EAF2: variants seen among roughly 807,000 people sequenced by gnomAD.
EAF2 encodes the protein ELL associated factor 2, also known as ELL-associated factor 2.
EAF2 carries 29 observed loss-of-function variants against 29.4 expected under a neutral mutation model. That is an observed-to-expected ratio of 0.99 (90% CI 0.73 to 1.35). EAF2 has a LOEUF of 1.35. Among genes scored for constraint, EAF2 ranks in the 40% most tolerant of loss-of-function variants. The probability of loss-of-function intolerance (pLI) is 0.00; values close to 1 mark genes in which losing one functional copy is unlikely to be tolerated. For synonymous variants in EAF2, 103 were observed against 102.5 expected (o/e 1.00, Z -0.03); for missense variants, 292 against 312.0 (o/e 0.94, Z 0.48).
intron 2 of EAF2, among the ~76,000 whole-genome samples, chr3:121,853,734 A>T (rs1019062846): frequency 6.6e-6 from 1 of 152,072 alleles, no homozygotes; most frequent in Non-Finnish European, 1.5e-5. Context: ...TTTTCTATAT[A>T]TTGGTAGTTA....
At chr3:121,859,461 GCTCT>G (rs1467746966) in intron 4 of EAF2, among the ~76,000 whole-genome samples, 1 of 151,964 alleles carries the variant, frequency 6.6e-6, no homozygotes, top group African/African-American at 2.4e-5. Context: ...TCATGATTTG[GCTCT>G]CTGTTTGTTT....
At chr3:121,880,427 G>A (rs1709173504) in intron 5 of EAF2, among the ~76,000 whole-genome samples, 1 of 150,762 alleles carries the variant, frequency 6.6e-6, no homozygotes, top group Admixed American at 6.6e-5. Context: ...ACAGGCATGA[G>A]TCACTGTCCT....
intron 4 of EAF2, among the ~76,000 whole-genome samples, chr3:121,867,318 A>C (rs1469995981): frequency 6.6e-6 from 1 of 152,204 alleles, no homozygotes; most frequent in Non-Finnish European, 1.5e-5. Context: ...AAATAGGATA[A>C]ACCCAAAGAA....
At chr3:121,849,594 G>C (rs1406017918) in intron 2 of EAF2, among the ~76,000 whole-genome samples, 2 of 151,938 alleles carry the variant, frequency 1.3e-5, no homozygotes, top group Non-Finnish European at 2.9e-5. Context: ...CTATTATTCA[G>C]GCAATGCATT....
intron 1 of EAF2, chr3:121,837,649 T>A (rs1484070858): frequency 6.6e-6 from 1 of 152,194 alleles, no homozygotes; most frequent in East Asian, 1.9e-4. Context: ...GGGTAGAGAA[T>A]AAATAGTAGT....
chr3:121,835,209 A>T lies in EAF2; in HGVS notation c.-77A>T, dbSNP rs79879117. The T allele has an allele frequency of 4.0e-3, 5,648 of 1,401,124 alleles. 16 individuals carry two copies. The highest frequency in any genetic ancestry group is 4.6e-3 in the Non-Finnish European group (4,555 of 989,150). 86.8% of individuals were successfully genotyped at this position (1,401,124 alleles called of 1,614,324 possible). A position where few individuals can be genotyped will look rare whatever the true frequency, so the allele number is the denominator to read the frequency against. ...TCTGGGTGACTTGGCTGGCGGGATC[A>T]AGTGCAGCTGCTTCAGGCTGAGGTG... On this transcript the variant is annotated 5_prime_UTR_variant, in exon 1 of 6. Transcript: ENST00000273668.
At chr3:121,848,613 G>A (rs548883689) in intron 2 of EAF2, among the ~76,000 whole-genome samples, 231 of 152,098 alleles carry the variant, frequency 1.5e-3, no homozygotes, top group African/African-American at 4.6e-3. Context: ...AGTTGGTGTA[G>A]TGTATTCTTG....
chr3:121,845,951 T>C (rs1402253208), intron 2 of EAF2, among the ~76,000 whole-genome samples: 1 of 152,196 alleles, frequency 6.6e-6, no homozygotes, highest in Non-Finnish European at 1.5e-5. Flanking sequence ...CTTAAGTTTC[T>C]TTTTCTTTTC....
chr3:121,858,962 C>G (rs756308345), intron 4 of EAF2, among the ~76,000 whole-genome samples: 14 of 152,132 alleles, frequency 9.2e-5, no homozygotes, highest in Non-Finnish European at 1.8e-4. Flanking sequence ...TCAGGTTTGT[C>G]AAAGATCAGA....
In EAF2 at chr3:121,886,248, G is replaced by A. The variant is rs867347757; in HGVS notation, c.737-94G>A. The A allele has an allele frequency of 5.0e-5, 35 of 705,248 alleles. No homozygotes were observed. In the African/African-American group the frequency reaches 5.7e-4, roughly 11 times the overall value. The allele number at this position is 705,248 out of a possible 1,614,324, so 43.7% of individuals were successfully genotyped here. ...CAAAATACTAGGTAAACAGAATCAC[G>A]CTTGGGGGCTATATTTTGTGTAAAA... On this transcript the variant is annotated intron_variant, in intron 5 of 5. Transcript: ENST00000273668.
Position 121,844,527 on chromosome 3 carries a change from A to G in EAF2, c.181A>G (p.Ile61Val), listed in dbSNP as rs2107501528. 6.2e-7 allele frequency: 1 copy of G among 1,607,482 alleles called. No homozygotes were observed. Among genetic ancestry groups the G allele is most frequent in the Non-Finnish European group, 8.5e-7 (1 of 1,175,698 alleles). ...LEVGEGEQVT[I>V]TLPNIEGSTP... ...GGTTGGTGAAGGTGAACAGGTGACC[A>G]TAACTCTGCCAAATATAGAAGTGAG... Residue 61 changes from isoleucine (I) to valine (V), a missense_variant, in exon 2 of 6, where the codon ATA becomes GTA. Coordinates refer to ENST00000273668, the MANE Select transcript of EAF2 (RefSeq NM_018456.6).
intron 4 of EAF2, among the ~76,000 whole-genome samples, chr3:121,871,538 T>C (rs1709013464): frequency 6.6e-6 from 1 of 151,958 alleles, no homozygotes; most frequent in Non-Finnish European, 1.5e-5. Context: ...GGGTGAAGAA[T>C]ATACCAGGCA....
intron 5 of EAF2, among the ~76,000 whole-genome samples, chr3:121,879,231 A>G (rs747171627): frequency 2.0e-5 from 3 of 152,112 alleles, no homozygotes; most frequent in Non-Finnish European, 4.4e-5. Flanking sequence ...TTGGTATTAT[A>G]TGGGGGTTCT....
rs773171966 is a variant in EAF2 at position 121,872,585 on chromosome 3, G to A, written c.533G>A (p.Ser178Asn). The A allele has an allele frequency of 2.5e-6, 4 of 1,612,496 alleles. No individual in the cohort carries two copies. The highest frequency in any genetic ancestry group is 3.4e-6 in the Non-Finnish European group (4 of 1,179,000). Residue 178 changes from serine to asparagine, a missense_variant, in exon 5 of 6, where the codon AGT becomes AAT. Transcript: ENST00000273668. ...ATGGACCAGATGAGTAGTTGTGATA[G>A]TTCATCAGATTCCAAAAGTTCATCA... ...SLMDQMSSCD[S>N]SSDSKSSSSS...
intron 1 of EAF2, among the ~76,000 whole-genome samples, chr3:121,839,910 T>C (rs960225607): frequency 6.6e-6 from 1 of 152,096 alleles, no homozygotes; most frequent in African/African-American, 2.4e-5. Flanking sequence ...AGGTAAATAA[T>C]AGGTCGGGCA....
chr3:121,875,148 T>C (rs2107543112), intron 5 of EAF2, among the ~76,000 whole-genome samples: 1 of 152,038 alleles, frequency 6.6e-6, no homozygotes, highest in African/African-American at 2.4e-5. Context: ...ACCTGAGTCA[T>C]ATTTTCTATT....
At position 121,886,366 on chromosome 3, in the gene EAF2, C is replaced by A; in HGVS notation, c.761C>A (p.Ser254Ter). The A allele has an allele frequency of 6.7e-7, 1 of 1,485,170 alleles. No homozygotes were observed. The highest frequency in any genetic ancestry group is 1.5e-5 in the South Asian group (1 of 66,952). The allele number at this position is 1,485,170 out of a possible 1,614,324, so 92.0% of individuals were successfully genotyped here. ...GGAAATGATTTGCAGCTGAGTGAATCAGGAAGTGACAGTGATGACTGAAGA... is the reference window on the plus strand; with the variant it reads ...GGAAATGATTTGCAGCTGAGTGAATAAGGAAGTGACAGTGATGACTGAAGA... ...TLRNDLQLSE[S>*]GSDSDD Residue 254 changes from serine to a stop codon, truncating the protein, a stop_gained, in exon 6 of 6, where the codon TCA becomes TAA. Coordinates refer to ENST00000273668, the MANE Select transcript of EAF2 (RefSeq NM_018456.6). LOFTEE classifies it high-confidence loss of function.
chr3:121,842,457 G>T, intron 1 of EAF2, among the ~76,000 whole-genome samples: 1 of 151,978 alleles, frequency 6.6e-6, no homozygotes, highest in African/African-American at 2.4e-5. Context: ...ACTGGGTTTT[G>T]CAGTTCGTTT....
At chr3:121,869,393 A>G (rs1463375770) in intron 4 of EAF2, among the ~76,000 whole-genome samples, 3 of 152,236 alleles carry the variant, frequency 2.0e-5, no homozygotes, top group African/African-American at 7.2e-5. Context: ...AATTGAAAAC[A>G]GTAGAGAAAA....
Sources: gnomAD v4.1 joint callset for allele counts (sites outside exome capture counted in the v4.1 genomes callset) on GRCh38, gnomAD v4.1.1 for gene constraint, MANE v1.5 for transcripts, NCBI Gene and HGNC (gene_info 2026-07-23, HGNC 2026-07-21) for gene names.